The following SSBP4 variants were observed in gnomAD, a reference collection of about 807,000 sequenced individuals.
SSBP4 encodes single-stranded DNA-binding protein 4.
A neutral mutation model predicts 64.6 loss-of-function variants in SSBP4; 33 were observed. The ratio of observed to expected loss-of-function variants is 0.51; its 90% CI spans 0.39 to 0.68. SSBP4 has a LOEUF of 0.68. Among genes scored for constraint, SSBP4 ranks in the 30% least tolerant of loss-of-function variants. SSBP4 has a pLI of 0.00. For missense variants in SSBP4, 583 were observed against 566.8 expected (o/e 1.03, Z -0.29); for synonymous variants, 243 against 224.0 (o/e 1.08, Z -0.76).
At chr19:18,424,730 G>T (rs1000183561) in intron 1 of SSBP4, among the ~76,000 whole-genome samples, 1 of 152,006 alleles carries the variant, frequency 6.6e-6, no homozygotes, top group Admixed American at 6.5e-5. Flanking sequence ...GATTTCCTTC[G>T]GTGTTTTTTT....
chr19:18,409,961 A>G, the SSBP4 span, among the ~76,000 whole-genome samples: 1 of 152,106 alleles, frequency 6.6e-6, no homozygotes, highest in African/African-American at 2.4e-5. Flanking sequence ...CCGCCTGAGT[A>G]GCTGGAAATA....
chr19:18,434,427 A>C lies in SSBP4; in HGVS notation c.*181A>C. 1 of 1,201,846 alleles carries C rather than the reference A, an allele frequency of 8.3e-7. No homozygotes were observed. Among genetic ancestry groups the C allele is most frequent in the Non-Finnish European group, 1.1e-6 (1 of 907,012 alleles). 74.4% of individuals were successfully genotyped at this position (1,201,846 alleles called of 1,614,324 possible). ...TATTAAAAACGCAAGGACCTCAGAG[A>C]CGTTCTTTTCTGTATGGACCCTTCC... is the stretch of plus-strand genomic sequence containing the variant. On this transcript the variant is annotated 3_prime_UTR_variant, in exon 18 of 18. Coordinates refer to ENST00000270061, the MANE Select transcript of SSBP4 (RefSeq NM_032627.5).
upstream of SSBP4, among the ~76,000 whole-genome samples, chr19:18,417,423 G>A (rs1972157887): frequency 6.6e-6 from 1 of 152,196 alleles, no homozygotes; most frequent in African/African-American, 2.4e-5. This position sits in a 1 kb window ranked among gnomAD's most constrained non-coding sequence, Gnocchi z 5.4. Flanking sequence ...TAAACTGGGG[G>A]TGGCAGGAGG....
upstream of SSBP4, among the ~76,000 whole-genome samples, chr19:18,417,399 G>A (rs1972157057): frequency 6.6e-6 from 1 of 152,230 alleles, no homozygotes; most frequent in Non-Finnish European, 1.5e-5. The surrounding 1 kb of genome is among the most constrained non-coding windows in gnomAD (Gnocchi z 5.4). Flanking sequence ...GGGAGCCACG[G>A]AGCTTTAGGA....
upstream of SSBP4, among the ~76,000 whole-genome samples, chr19:18,414,487 A>G (rs1439597385): frequency 6.6e-6 from 1 of 152,174 alleles, no homozygotes; most frequent in African/African-American, 2.4e-5. Flanking sequence ...TGAGACACCC[A>G]TATCTAAAAA....
At chr19:18,433,413 C>T (rs1225653199) in intron 15 of SSBP4, 172 bp from the exon 16 acceptor site, 1 of 1,315,764 alleles carries the variant, frequency 7.6e-7, no homozygotes, top group Non-Finnish European at 1.1e-6. Flanking sequence ...CTGACCGCCC[C>T]TCCCCCCCAG....
At position 18,430,838 on chromosome 19, in the gene SSBP4, C is replaced by T; in HGVS notation, c.280-3C>T. ...GCCCTCTGGGTTTCCCGCACCCTTA[C>T]AGAGTGCTGCAGCCGCCCCCAGCCC... On this transcript the variant is annotated splice_region_variant and splice_polypyrimidine_tract_variant and intron_variant, in intron 4 of 17. Coordinates refer to ENST00000270061, the MANE Select transcript of SSBP4 (RefSeq NM_032627.5). The T allele has an allele frequency of 6.2e-7, 1 of 1,611,858 alleles. No homozygotes were observed.
chr19:18,431,458 C>T, intron 6 of SSBP4, 40 bp downstream of exon 6: 4 of 1,173,408 alleles, frequency 3.4e-6, no homozygotes, highest in Non-Finnish European at 4.9e-6. Flanking sequence ...CACACACATC[C>T]CCTCCCCCAG....
chr19:18,405,181 T>C, the SSBP4 span, among the ~76,000 whole-genome samples: 1 of 152,094 alleles, frequency 6.6e-6, no homozygotes, highest in Non-Finnish European at 1.5e-5. Flanking sequence ...GTCTAGGCAG[T>C]GGGGCAACCA....
intron 1 of SSBP4, 88 bp downstream of exon 1, chr19:18,419,795 C>A: frequency 1.0e-6 from 1 of 992,614 alleles, no homozygotes; most frequent in Non-Finnish European, 1.2e-6. Context: ...CACGTGGGCG[C>A]GGGCGGCGGG....
At chr19:18,421,887 G>A (rs895268381) in intron 1 of SSBP4, among the ~76,000 whole-genome samples, 5 of 152,200 alleles carry the variant, frequency 3.3e-5, no homozygotes, top group Admixed American at 2.6e-4. Flanking sequence ...GCCGGGCGTG[G>A]TGGCTCACGC....
At chr19:18,409,132 AG>A in the SSBP4 span, among the ~76,000 whole-genome samples, 1 of 151,614 alleles carries the variant, frequency 6.6e-6, no homozygotes, top group African/African-American at 2.4e-5. Context: ...CAAATTATAA[AG>A]GAGATTAGAC....
rs749679601 is a variant in SSBP4, at chr19:18,431,870, G to A, written c.565+8G>A. The A allele has an allele frequency of 1.3e-6, 2 of 1,571,666 alleles. No homozygotes were observed. Among genetic ancestry groups the A allele is most frequent in the Admixed American group, 1.8e-5 (1 of 55,016 alleles). ...CCTCCCCACGAGCCCAGGGTGAGTA[G>A]GGAAGCTCCAGCCCCTATCCCGCCA... is the stretch of plus-strand genomic sequence containing the variant. On this transcript the variant is annotated splice_region_variant and intron_variant, in intron 8 of 17. Coordinates refer to ENST00000270061, the MANE Select transcript of SSBP4 (RefSeq NM_032627.5).
chr19:18,405,572 T>C, the SSBP4 span, among the ~76,000 whole-genome samples: 1 of 152,062 alleles, frequency 6.6e-6, no homozygotes, highest in African/African-American at 2.4e-5. Flanking sequence ...GCTAAAATCA[T>C]TGCTCACTGC....
At chr19:18,415,003 A>C (rs1490231094), upstream of SSBP4, among the ~76,000 whole-genome samples, 1 of 152,022 alleles carries the variant, frequency 6.6e-6, no homozygotes, top group African/African-American at 2.4e-5. Context: ...GGCTGTCTGA[A>C]CACCCCTCTG....
At chr19:18,418,854 G>A (rs1972233987), upstream of SSBP4, 1 of 575,608 alleles carries the variant, frequency 1.7e-6, no homozygotes, top group African/African-American at 2.0e-5. The surrounding 1 kb of genome is among the most constrained non-coding windows in gnomAD (Gnocchi z 6.7). Flanking sequence ...GTGAGGCTGG[G>A]TGCCTGTGTG....
At chr19:18,422,619 C>T (rs1280809902) in intron 1 of SSBP4, among the ~76,000 whole-genome samples, 3 of 152,240 alleles carry the variant, frequency 2.0e-5, no homozygotes, top group African/African-American at 7.2e-5. Flanking sequence ...CTCTCAGAGG[C>T]AGCCCCAGGC....
chr19:18,404,551 G>A, the SSBP4 span, among the ~76,000 whole-genome samples: 2 of 145,222 alleles, frequency 1.4e-5, no homozygotes, highest in African/African-American at 5.2e-5. Context: ...CTGAGATTGT[G>A]CCACTGCACT....
In SSBP4 at chr19:18,431,392, GCCC is replaced by G; in HGVS notation, c.412_414del (p.Pro138del). The G allele has an allele frequency of 7.9e-7, 1 of 1,269,214 alleles. No individual in the cohort carries two copies. Among genetic ancestry groups the G allele is most frequent in the Admixed American group, 3.0e-5 (1 of 33,262 alleles). The allele number at this position is 1,269,214 out of a possible 1,614,324, so 78.6% of individuals were successfully genotyped here. On this transcript the variant is annotated inframe_deletion, in exon 6 of 18. Transcript: ENST00000270061. Reference sequence around the variant, plus strand: ...CCAGCCGTCCCCCCACAACCCCAACGCCCCCATGATGGGGCCTCACGGTCAGGT... The same window carrying G: ...CCAGCCGTCCCCCCACAACCCCAACGCCATGATGGGGCCTCACGGTCAGGT...
Sources: allele counts gnomAD v4.1 joint callset (sites outside exome capture counted in the v4.1 genomes callset), GRCh38; gene constraint gnomAD v4.1.1; non-coding constraint Gnocchi (gnomAD v3.1); transcripts MANE v1.5; gene names NCBI Gene and HGNC (gene_info 2026-07-23, HGNC 2026-07-21).